The following ZNF107 variants were observed in gnomAD, a reference collection of about 807,000 sequenced individuals.
ZNF107 encodes C2H2 type zinc-finger protein.
A neutral mutation model predicts 12.3 loss-of-function variants in ZNF107; 19 were observed. The observed-to-expected ratio is 1.55, with a 90% CI of 1.08 to 2.27. The LOEUF (loss-of-function observed/expected upper bound fraction) is 2.27, where lower values mean the gene tolerates loss of function less well. ZNF107 is among the 30% of genes most tolerant of loss of function. ZNF107 has a pLI of 0.00. For missense variants in ZNF107, 958 were observed against 979.9 expected (o/e 0.98, Z 0.30); for synonymous variants, 317 against 330.5 (o/e 0.96, Z 0.44).
chr7:64,703,550 C>T (rs2128967353), intron 3 of ZNF107, among the ~76,000 whole-genome samples: 1 of 152,206 alleles, frequency 6.6e-6, no homozygotes, highest in South Asian at 2.1e-4. Flanking sequence ...CTATCTTAGC[C>T]TTCTGAGTAG....
At position 64,709,564 on chromosome 7, in the gene ZNF107, G is replaced by T. The variant is rs566287818; in HGVS notation, c.*908G>T. ...GAAAAATATCACAAAGCCTTTAAAT[G>T]GTTGTCACACTTGATTGTAGGTAAG... On this transcript the variant is annotated 3_prime_UTR_variant, in exon 4 of 4. Transcript: ENST00000620827. 2.6e-6 allele frequency: 1 copy of T among 388,544 alleles called. No homozygotes were observed. Among genetic ancestry groups the T allele is most frequent in the East Asian group, 8.4e-5 (1 of 11,876 alleles). The allele number at this position is 388,544 out of a possible 1,614,324, so 24.1% of individuals were successfully genotyped here. A position where few individuals can be genotyped will look rare whatever the true frequency, so the allele number is the denominator to read the frequency against.
rs905444231 is a variant in ZNF107, at chr7:64,686,349, G to A, written c.4-4899G>A. ...CTCCTATTTGGACCCTGCCTCTTCCGTCTAGCCTCTCAGTTCCTACAAAAT... is the reference window on the plus strand; with the variant it reads ...CTCCTATTTGGACCCTGCCTCTTCCATCTAGCCTCTCAGTTCCTACAAAAT... On this transcript the variant is annotated intron_variant, in intron 1 of 3. Coordinates refer to ENST00000620827, the MANE Select transcript of ZNF107 (RefSeq NM_001282359.2). 1.1e-4 allele frequency among the ~76,000 whole-genome samples: 16 copies of A among 151,870 alleles called. No homozygotes were observed. The South Asian group carries it at 2.9e-3, about 28-fold the overall frequency.
chr7:64,666,383 G>A (rs1789003199), intron 1 of ZNF107, 98 bp downstream of exon 1: 1 of 1,512,862 alleles, frequency 6.6e-7, no homozygotes, highest in Non-Finnish European at 9.0e-7. Context: ...AAAGTCCGCG[G>A]CCCCAAGTTC....
intron 3 of ZNF107, among the ~76,000 whole-genome samples, chr7:64,698,999 A>G (rs1470001147): frequency 6.6e-6 from 1 of 152,026 alleles, no homozygotes; most frequent in Admixed American, 6.6e-5. Flanking sequence ...TTATATACAG[A>G]TGGGTTCATT....
intron 1 of ZNF107, chr7:64,687,082 G>A: frequency 1.0e-6 from 1 of 985,300 alleles, no homozygotes; most frequent in Non-Finnish European, 1.2e-6. Flanking sequence ...TCTAATCTGA[G>A]TTTTTTTCTT....
intron 1 of ZNF107, among the ~76,000 whole-genome samples, chr7:64,688,325 C>T (rs1042736376): frequency 4.1e-5 from 6 of 147,092 alleles, no homozygotes; most frequent in African/African-American, 1.3e-4. Flanking sequence ...GGCATGATCT[C>T]GGCTCACTGC....
intron 1 of ZNF107, among the ~76,000 whole-genome samples, chr7:64,681,476 AG>A (rs919069333): frequency 6.6e-6 from 1 of 151,620 alleles, no homozygotes; most frequent in Non-Finnish European, 1.5e-5. Context: ...CACTATTCCT[AG>A]GCTACAGCCA....
chr7:64,679,419 A>T, intron 1 of ZNF107: 2 of 934,140 alleles, frequency 2.1e-6, no homozygotes, highest in Non-Finnish European at 2.6e-6. Context: ...TAAATCTAAC[A>T]TTGGTCATGG....
chr7:64,685,574 TC>T (rs1204388049), intron 1 of ZNF107, among the ~76,000 whole-genome samples: 1 of 152,212 alleles, frequency 6.6e-6, no homozygotes, highest in East Asian at 1.9e-4. Context: ...AAATGATTTT[TC>T]CTCCAATGGG....
At chr7:64,691,456 T>G (rs996855385) in intron 2 of ZNF107, 82 bp downstream of exon 2, 14 of 1,213,404 alleles carry the variant, frequency 1.2e-5, no homozygotes, top group Non-Finnish European at 1.3e-5. Flanking sequence ...TTCTGGTAAT[T>G]TATGCTTTGC....
At chr7:64,694,219 G>A (rs1225796295) in intron 3 of ZNF107, among the ~76,000 whole-genome samples, 1 of 152,264 alleles carries the variant, frequency 6.6e-6, no homozygotes, top group East Asian at 1.9e-4. Flanking sequence ...GGCTACAAAT[G>A]AGTGTTCTCC....
chr7:64,707,134 G>A lies in ZNF107; in HGVS notation c.1037G>A (p.Cys346Tyr). The A allele has an allele frequency of 6.2e-7, 1 of 1,613,618 alleles. No homozygotes were observed. The highest frequency in any genetic ancestry group is 8.5e-7 in the Non-Finnish European group (1 of 1,179,780). ...AGEKPYKCKE[C>Y]GRAFNISSNL... ...GAGAAACCCTACAAATGTAAAGAAT[G>A]TGGCAGAGCTTTTAACATATCCTCA... The change falls in exon 4 of 4, where the codon TGT becomes TAT. Residue 346 changes from cysteine (C) to tyrosine (Y), a missense_variant. Coordinates refer to ENST00000620827, the MANE Select transcript of ZNF107 (RefSeq NM_001282359.2).
At chr7:64,705,879 A>G (rs947256163) in intron 3 of ZNF107, among the ~76,000 whole-genome samples, 8 of 151,878 alleles carry the variant, frequency 5.3e-5, no homozygotes, top group African/African-American at 9.7e-5. Flanking sequence ...TCAGCCCTCT[A>G]TGTCATGGGA....
chr7:64,679,391 C>T, intron 1 of ZNF107: 1 of 970,790 alleles, frequency 1.0e-6, no homozygotes, highest in South Asian at 4.8e-5. Flanking sequence ...GGAGAGGACA[C>T]TCACTGTCTG....
chr7:64,678,059 A>G (rs1007804539), intron 1 of ZNF107, among the ~76,000 whole-genome samples: 3 of 152,172 alleles, frequency 2.0e-5, no homozygotes, highest in Non-Finnish European at 4.4e-5. Flanking sequence ...ACGATACATA[A>G]ATTATATTAA....
intron 1 of ZNF107, among the ~76,000 whole-genome samples, chr7:64,675,179 C>T (rs747394318): frequency 9.2e-5 from 14 of 152,062 alleles, no homozygotes; most frequent in South Asian, 2.1e-4. Flanking sequence ...GAAATGGTAC[C>T]GGCTCTTCTT....
chr7:64,668,819 A>T (rs1789108615), intron 1 of ZNF107, among the ~76,000 whole-genome samples: 1 of 152,042 alleles, frequency 6.6e-6, no homozygotes, highest in South Asian at 2.1e-4. Context: ...AAAGGAAAAA[A>T]ACCTCTCTTC....
At position 64,691,168 on chromosome 7, in the gene ZNF107, G is replaced by T; in HGVS notation, c.4-80G>T. 6 of 1,241,552 alleles carry T rather than the reference G, an allele frequency of 4.8e-6. No individual in the cohort carries two copies. In the South Asian group the frequency reaches 8.6e-5, roughly 18 times the overall value. The allele number at this position is 1,241,552 out of a possible 1,614,324, so 76.9% of individuals were successfully genotyped here. A position where few individuals can be genotyped will look rare whatever the true frequency, so the allele number is the denominator to read the frequency against. ...ATTACAGGCATGAACCACAGTACCCGACTATCCTATACATTTTTTTAAAAA... is the reference window on the plus strand; with the variant it reads ...ATTACAGGCATGAACCACAGTACCCTACTATCCTATACATTTTTTTAAAAA... On this transcript the variant is annotated intron_variant, in intron 1 of 3. Transcript: ENST00000620827.
At chr7:64,701,428 A>G (rs1790473289) in intron 3 of ZNF107, among the ~76,000 whole-genome samples, 1 of 133,758 alleles carries the variant, frequency 7.5e-6, no homozygotes, top group South Asian at 2.4e-4. Context: ...TGCCTGGCTA[A>G]TTTTTGTATT....
Sources: gnomAD v4.1 joint callset for allele counts (sites outside exome capture counted in the v4.1 genomes callset) on GRCh38, gnomAD v4.1.1 for gene constraint, MANE v1.5 for transcripts, NCBI Gene and HGNC (gene_info 2026-07-23, HGNC 2026-07-21) for gene names.